The following DENND2A variants were observed in gnomAD, a reference collection of about 807,000 sequenced individuals.
DENND2A encodes DENN domain-containing protein 2A.
In DENND2A, 53 loss-of-function variants were observed where a neutral mutation model predicts 105.3. That is an observed-to-expected ratio of 0.50 (90% CI 0.40 to 0.63). The LOEUF (loss-of-function observed/expected upper bound fraction) is 0.63. Ranked by LOEUF, DENND2A falls within the 30% of genes least tolerant of loss-of-function variation. The pLI is 0.00. For missense variants in DENND2A, 1,138 were observed against 1,279.6 expected (o/e 0.89, Z 1.69); for synonymous variants, 522 against 508.4 (o/e 1.03, Z -0.36).
rs1339015572 is a variant in DENND2A, at chr7:140,531,719, G to A, written c.2328-4224C>T. Reference sequence around the variant, plus strand: ...AATCCCAGCTACTCAGGAGGCTGAGGCAGGAGAATCGCTTGAACCCAGGAG... The same window carrying A: ...AATCCCAGCTACTCAGGAGGCTGAGACAGGAGAATCGCTTGAACCCAGGAG... On this transcript the variant is annotated intron_variant, in intron 14 of 19. Coordinates refer to ENST00000496613, the MANE Select transcript of DENND2A (RefSeq NM_015689.5). Among the ~76,000 whole-genome samples the A allele has an allele frequency of 1.3e-5, 2 of 151,744 alleles. 1 individual carries two copies. Among genetic ancestry groups the A allele is most frequent in the African/African-American group, 4.9e-5 (2 of 41,068 alleles).
intron 3 of DENND2A, among the ~76,000 whole-genome samples, chr7:140,592,622 C>T (rs1354522838): frequency 6.7e-6 from 1 of 149,586 alleles, no homozygotes; most frequent in African/African-American, 2.5e-5. Context: ...TTTTTTGAGA[C>T]AGAGTCTGGC....
chr7:140,563,329 C>T (rs950615666), intron 9 of DENND2A, among the ~76,000 whole-genome samples: 2 of 152,176 alleles, frequency 1.3e-5, no homozygotes, highest in Non-Finnish European at 2.9e-5. Flanking sequence ...CATACATACA[C>T]AGGCTCATAT....
At position 140,527,771 on chromosome 7, in the gene DENND2A, G is replaced by A. The variant is rs914368410; in HGVS notation, c.2328-276C>T. 7.9e-5 allele frequency among the ~76,000 whole-genome samples: 12 copies of A among 152,058 alleles called. No individual in the cohort carries two copies. The highest frequency in any genetic ancestry group is 2.9e-4 in the African/African-American group (12 of 41,408). Reference sequence around the variant, plus strand: ...TGAGCTGCACGCCCTGCACTCTCCCGCCCTGACCTTTTTTTGTGATCTATA... The same window carrying A: ...TGAGCTGCACGCCCTGCACTCTCCCACCCTGACCTTTTTTTGTGATCTATA... On this transcript the variant is annotated intron_variant, in intron 14 of 19. Coordinates refer to ENST00000496613, the MANE Select transcript of DENND2A (RefSeq NM_015689.5). The surrounding 1 kb of genome is among the most constrained non-coding windows in gnomAD (Gnocchi z 4.9).
At chr7:140,595,645 T>G (rs187192808) in intron 3 of DENND2A, among the ~76,000 whole-genome samples, 138 of 152,212 alleles carry the variant, frequency 9.1e-4, no homozygotes, top group Middle Eastern at 3.4e-3. Flanking sequence ...GGCATGTGCC[T>G]GTGGTCGCAA....
intron 12 of DENND2A, among the ~76,000 whole-genome samples, chr7:140,547,445 C>A (rs1019764290): frequency 1.3e-5 from 2 of 152,108 alleles, no homozygotes; most frequent in African/African-American, 4.8e-5. Context: ...CCACTTCACA[C>A]CCGTTAGGAT....
intron 2 of DENND2A, among the ~76,000 whole-genome samples, chr7:140,602,761 C>A (rs1270031895): frequency 6.7e-6 from 1 of 150,264 alleles, no homozygotes; most frequent in African/African-American, 2.5e-5. Flanking sequence ...TCACTTGAGG[C>A]CAGGAGTTCA....
At chr7:140,576,589 G>T (rs895596337) in intron 5 of DENND2A, among the ~76,000 whole-genome samples, 1 of 152,092 alleles carries the variant, frequency 6.6e-6, no homozygotes, top group Non-Finnish European at 1.5e-5. Flanking sequence ...TTCTCCATTC[G>T]CTATTTGCTT....
chr7:140,561,106 G>A (rs1416031111), intron 9 of DENND2A, among the ~76,000 whole-genome samples: 2 of 151,634 alleles, frequency 1.3e-5, no homozygotes, highest in Non-Finnish European at 2.9e-5. Flanking sequence ...GAATTCCTGG[G>A]CTCAAGCAAC....
intron 14 of DENND2A, chr7:140,544,084 G>A (rs1796793596): frequency 5.4e-6 from 1 of 183,524 alleles, no homozygotes; most frequent in African/African-American, 2.3e-5. Flanking sequence ...TAGAGACTGA[G>A]TTTCATCATG....
rs1798068192 is a variant in DENND2A at position 140,570,927 on chromosome 7, AT to A, written c.1447-1190del. ...GAAGCTGGTGAGTGCGAATTTATGTATTTTGCTTTGCTGGGTCCCCCAGGGC... is the reference window on the plus strand; with the variant it reads ...GAAGCTGGTGAGTGCGAATTTATGTATTTGCTTTGCTGGGTCCCCCAGGGC... On this transcript the variant is annotated intron_variant, in intron 6 of 19. Transcript: ENST00000496613. Among the ~76,000 whole-genome samples, 3 of 152,262 alleles carry A rather than the reference AT, an allele frequency of 2.0e-5. No homozygotes were observed. In the South Asian group the frequency reaches 6.2e-4, roughly 32 times the overall value.
At chr7:140,578,638 T>C (rs1798406567) in intron 5 of DENND2A, among the ~76,000 whole-genome samples, 1 of 152,150 alleles carries the variant, frequency 6.6e-6, no homozygotes, top group Non-Finnish European at 1.5e-5. Context: ...CCCAGCACTT[T>C]GGGAGGCTGA....
rs34963245 is a variant in DENND2A, at chr7:140,548,296, TAA to T, written c.2038-1359_2038-1358del. 8.7e-3 allele frequency among the ~76,000 whole-genome samples: 1,194 copies of T among 136,798 alleles called. 23 individuals carry two copies. Among genetic ancestry groups the T allele is most frequent in the African/African-American group, 0.032 (1,139 of 35,874 alleles). 89.7% of individuals were successfully genotyped at this position (136,798 alleles called of 152,430 possible). A position where few individuals can be genotyped will look rare whatever the true frequency, so the allele number is the denominator to read the frequency against. On this transcript the variant is annotated intron_variant, in intron 12 of 19. Coordinates refer to ENST00000496613, the MANE Select transcript of DENND2A (RefSeq NM_015689.5). ...CTTAATAAAGCTACTACTAAAAAAC[TAA>T]AAAAAAAAAAAAAAATTCCAAACTC...
At chr7:140,629,044 C>T (rs1404809271) in intron 1 of DENND2A, among the ~76,000 whole-genome samples, 3 of 152,098 alleles carry the variant, frequency 2.0e-5, no homozygotes, top group Non-Finnish European at 4.4e-5. Context: ...TTGTTCAAAA[C>T]GGAAAGACAA....
At chr7:140,558,891 C>T (rs1172758736) in intron 10 of DENND2A, among the ~76,000 whole-genome samples, 1 of 148,066 alleles carries the variant, frequency 6.8e-6, no homozygotes, top group African/African-American at 2.5e-5. Flanking sequence ...CAACCTCTGC[C>T]GCCCGGGTTC....
In DENND2A at chr7:140,559,554, G is replaced by A. The variant is rs1309234798; in HGVS notation, c.1889+154C>T. Among the ~76,000 whole-genome samples the A allele has an allele frequency of 1.3e-5, 2 of 152,162 alleles. No individual in the cohort carries two copies. The highest frequency in any genetic ancestry group is 1.9e-4 in the East Asian group (1 of 5,180). On this transcript the variant is annotated intron_variant, in intron 10 of 19. Coordinates refer to ENST00000496613, the MANE Select transcript of DENND2A (RefSeq NM_015689.5). This position sits in a 1 kb window ranked among gnomAD's most constrained non-coding sequence, Gnocchi z 4.1. ...CTGGGCAGGTGACTTCACCTTCAGG[G>A]AAGCTTTAAAAACACCCCTTGGGGA... is the stretch of plus-strand genomic sequence containing the variant.
In DENND2A at chr7:140,523,500, G is replaced by A; in HGVS notation, c.2548-76C>T. 3.9e-6 allele frequency: 5 copies of A among 1,269,746 alleles called. No homozygotes were observed. Among genetic ancestry groups the A allele is most frequent in the Non-Finnish European group, 5.7e-6 (5 of 876,438 alleles). The allele number at this position is 1,269,746 out of a possible 1,614,324, so 78.7% of individuals were successfully genotyped here. A position where few individuals can be genotyped will look rare whatever the true frequency, so the allele number is the denominator to read the frequency against. ...GGCCATAGGACACACTGGAGCCACT[G>A]CAGGGCAGGCCTGGCTCAGTCTCCA... On this transcript the variant is annotated intron_variant, in intron 16 of 19. Transcript: ENST00000496613. The surrounding 1 kb of genome is among the most constrained non-coding windows in gnomAD (Gnocchi z 4.5).
intron 5 of DENND2A, among the ~76,000 whole-genome samples, chr7:140,585,103 T>C (rs1563159064): frequency 1.3e-5 from 2 of 151,942 alleles, no homozygotes; most frequent in African/African-American, 4.8e-5. Flanking sequence ...AAGGCTGAGG[T>C]GGGAGGATTG....
In DENND2A at chr7:140,537,622, T is replaced by C. The variant is rs575851473; in HGVS notation, c.2327+6996A>G. Among the ~76,000 whole-genome samples the C allele has an allele frequency of 2.0e-5, 3 of 152,258 alleles. No individual in the cohort carries two copies. In the South Asian group the frequency reaches 6.2e-4, roughly 32 times the overall value. ...ATGCCCAGCTCATAAATTCCTTGAA[T>C]ATTAAAAACTTTGTCCCCTATTAAG... On this transcript the variant is annotated intron_variant, in intron 14 of 19. Transcript: ENST00000496613.
chr7:140,566,748 G>A (rs557971541), intron 9 of DENND2A, among the ~76,000 whole-genome samples: 24 of 146,890 alleles, frequency 1.6e-4, no homozygotes, highest in East Asian at 7.9e-4. Flanking sequence ...GTGCAGTGGC[G>A]TGATCTTGGC....
Sources: allele counts gnomAD v4.1 joint callset (sites outside exome capture counted in the v4.1 genomes callset), GRCh38; gene constraint gnomAD v4.1.1; non-coding constraint Gnocchi (gnomAD v3.1); transcripts MANE v1.5; gene names NCBI Gene and HGNC (gene_info 2026-07-23, HGNC 2026-07-21).